The following CDCA4 variants were observed in gnomAD, a reference collection of about 807,000 sequenced individuals.
The protein encoded by CDCA4 is cell division cycle associated 4.
For synonymous variants in CDCA4, 130 were observed against 137.0 expected, an observed-to-expected ratio of 0.95 and a Z score of 0.36; for missense variants, 294 against 322.1, an observed-to-expected ratio of 0.91 and a Z score of 0.67.
chr14:105,014,279 C>A (rs1459488518), intron 1 of CDCA4, among the ~76,000 whole-genome samples: 2 of 152,170 alleles, frequency 1.3e-5, no homozygotes, highest in African/African-American at 4.8e-5. Context: ...ATCACACGGA[C>A]CTGGGGCCTG....
chr14:105,011,047 G>A lies in CDCA4; in HGVS notation c.*157C>T. 1.1e-6 allele frequency: 1 copy of A among 886,958 alleles called. No homozygotes were observed. The highest frequency in any genetic ancestry group is 1.7e-6 in the Non-Finnish European group (1 of 599,082). 54.9% of individuals were successfully genotyped at this position (886,958 alleles called of 1,614,324 possible). A position where few individuals can be genotyped will look rare whatever the true frequency, so the allele number is the denominator to read the frequency against. On this transcript the variant is annotated 3_prime_UTR_variant, in exon 2 of 2. Transcript: ENST00000336219. ...GGGGAGGTGAGTGGGACGGGCCTAG[G>A]GCTGCAGCCCCACTGGTAATGGGCT...
At chr14:105,018,759 C>G (rs892516339) in intron 1 of CDCA4, among the ~76,000 whole-genome samples, 5 of 147,546 alleles carry the variant, frequency 3.4e-5, no homozygotes, top group Non-Finnish European at 7.5e-5. Context: ...TTTTTTAAGA[C>G]AGAGTCTCAT....
At chr14:105,019,387 G>C (rs1886166886) in intron 1 of CDCA4, among the ~76,000 whole-genome samples, 1 of 152,220 alleles carries the variant, frequency 6.6e-6, no homozygotes, top group Non-Finnish European at 1.5e-5. Flanking sequence ...TCGTGGCTGA[G>C]CAATACCACG....
chr14:105,017,347 C>G (rs934337047), intron 1 of CDCA4, among the ~76,000 whole-genome samples: 1 of 152,058 alleles, frequency 6.6e-6, no homozygotes, highest in Non-Finnish European at 1.5e-5. Flanking sequence ...CTCAACTTCC[C>G]GAGTAGCTGG....
In CDCA4 at chr14:105,011,544, A is replaced by C. The variant is rs1275902827; in HGVS notation, c.386T>G (p.Leu129Arg). The C allele has an allele frequency of 1.9e-6, 3 of 1,613,998 alleles. No individual in the cohort carries two copies. In the South Asian group the frequency reaches 3.3e-5, roughly 18 times the overall value. Residue 129 changes from leucine to arginine, a missense_variant, in exon 2 of 2, where the codon CTT becomes CGT. Coordinates refer to ENST00000336219, the MANE Select transcript of CDCA4 (RefSeq NM_017955.4). ...DGHTQGPVSD[L>R]CPVTSAQAPR... ...TGCCTGTGCTGAGGTGACTGGGCAAAGGTCAGAAACTGGACCCTGTGTGTG... is the reference window on the plus strand; with the variant it reads ...TGCCTGTGCTGAGGTGACTGGGCAACGGTCAGAAACTGGACCCTGTGTGTG...
At position 105,011,124 on chromosome 14, in the gene CDCA4, G is replaced by C; in HGVS notation, c.*80C>G. ...ACAGGGCAGCAAGGCTGGGCCGCTG[G>C]CGGCAGGCGCACCCTCCGTGGGAGC... On this transcript the variant is annotated 3_prime_UTR_variant, in exon 2 of 2. Transcript: ENST00000336219. The C allele has an allele frequency of 6.8e-7, 1 of 1,478,764 alleles. No homozygotes were observed. The allele number at this position is 1,478,764 out of a possible 1,614,324, so 91.6% of individuals were successfully genotyped here.
At position 105,010,097 on chromosome 14, in the gene CDCA4, G is replaced by C. The variant is rs1382379221; in HGVS notation, c.*1107C>G. The C allele has an allele frequency of 6.6e-6, 1 of 152,394 alleles. No homozygotes were observed. Among genetic ancestry groups the C allele is most frequent in the Non-Finnish European group, 1.5e-5 (1 of 68,036 alleles). 9.4% of individuals were successfully genotyped at this position (152,394 alleles called of 1,614,324 possible). On this transcript the variant is annotated 3_prime_UTR_variant, in exon 2 of 2. Coordinates refer to ENST00000336219, the MANE Select transcript of CDCA4 (RefSeq NM_017955.4). ...ATGTGGGGTGAGGCGGGGCAGGAGT[G>C]GAAGGCTGCAGGCACCCCCAGCTCA... is the stretch of plus-strand genomic sequence containing the variant.
chr14:105,017,222 C>CT lies in CDCA4; in HGVS notation c.-7+3776dup, dbSNP rs375815781. ...TTCATCACTCTCAGTTGTAAGCATT[C>CT]TTTTTTTTTTTAGATGGAGTCTCAC... On this transcript the variant is annotated intron_variant, in intron 1 of 1. Transcript: ENST00000336219. Among the ~76,000 whole-genome samples, 153 of 145,680 alleles carry CT rather than the reference C, an allele frequency of 1.1e-3. 1 individual carries two copies. In the East Asian group the frequency reaches 0.019, roughly 18 times the overall value.
At chr14:105,018,851 C>T (rs1416506665) in intron 1 of CDCA4, among the ~76,000 whole-genome samples, 2 of 152,006 alleles carry the variant, frequency 1.3e-5, no homozygotes, top group Admixed American at 1.3e-4. Flanking sequence ...ATTCTCCTAC[C>T]TCAGCCTCCC....
intron 1 of CDCA4, among the ~76,000 whole-genome samples, chr14:105,020,416 A>G (rs1655004728): frequency 6.6e-6 from 1 of 152,150 alleles, no homozygotes; most frequent in Admixed American, 6.5e-5. Flanking sequence ...CGGGGCGAGA[A>G]GCGTCTGAAG....
intron 1 of CDCA4, among the ~76,000 whole-genome samples, chr14:105,019,886 G>C (rs1886181236): frequency 6.6e-6 from 1 of 152,142 alleles, no homozygotes; most frequent in African/African-American, 2.4e-5. Flanking sequence ...GCTAATTTTT[G>C]TATTTTTAGT....
intron 1 of CDCA4, among the ~76,000 whole-genome samples, chr14:105,019,260 G>C (rs1209243765): frequency 6.6e-6 from 1 of 152,170 alleles, no homozygotes; most frequent in Non-Finnish European, 1.5e-5. Context: ...ACTAGGGACA[G>C]AGCAACCTAG....
At chr14:105,014,701 C>T (rs1279366012) in intron 1 of CDCA4, among the ~76,000 whole-genome samples, 1 of 152,160 alleles carries the variant, frequency 6.6e-6, no homozygotes, top group South Asian at 2.1e-4. Context: ...CTAAGTATAT[C>T]GAGAATTAAC....
At chr14:105,012,331 G>T (rs1221206020) in intron 1 of CDCA4, among the ~76,000 whole-genome samples, 1 of 152,254 alleles carries the variant, frequency 6.6e-6, no homozygotes, top group East Asian at 1.9e-4. Flanking sequence ...AAGAGACCCT[G>T]GGGTAACATG....
intron 1 of CDCA4, among the ~76,000 whole-genome samples, chr14:105,019,641 G>A (rs1463380173): frequency 6.6e-6 from 1 of 152,212 alleles, no homozygotes; most frequent in Non-Finnish European, 1.5e-5. Context: ...CTGAGTGGGA[G>A]CTCCACCTTC....
intron 1 of CDCA4, among the ~76,000 whole-genome samples, chr14:105,014,867 A>G (rs1900602076): frequency 6.6e-6 from 1 of 152,156 alleles, no homozygotes; most frequent in Non-Finnish European, 1.5e-5. Flanking sequence ...TTAATTTAGG[A>G]CCCAAACCAA....
rs532243636 is a variant in CDCA4, at chr14:105,020,237, A to C, written c.-7+762T>G. On this transcript the variant is annotated intron_variant, in intron 1 of 1. Transcript: ENST00000336219. ...TGGTTGTACGTAGAAAGTTGATAAA[A>C]CGTAAGTTTTGTGAACAGGCAATGT... Among the ~76,000 whole-genome samples, 3 of 152,288 alleles carry C rather than the reference A, an allele frequency of 2.0e-5. No homozygotes were observed. The East Asian group carries it at 5.8e-4, about 29-fold the overall frequency.
At chr14:105,013,071 A>T (rs1158194577) in intron 1 of CDCA4, among the ~76,000 whole-genome samples, 1 of 152,212 alleles carries the variant, frequency 6.6e-6, no homozygotes, top group East Asian at 1.9e-4. Context: ...CTTACCCCAG[A>T]CCTGGGCAAC....
chr14:105,020,447 C>G (rs963871824), intron 1 of CDCA4, among the ~76,000 whole-genome samples: 25 of 152,240 alleles, frequency 1.6e-4, no homozygotes, highest in African/African-American at 5.8e-4. Context: ...AGGCTTGCGT[C>G]TGACTTCTGC....
Sources: gnomAD v4.1 joint callset for allele counts (sites outside exome capture counted in the v4.1 genomes callset) on GRCh38, gnomAD v4.1.1 for gene constraint, MANE v1.5 for transcripts, NCBI Gene and HGNC (gene_info 2026-07-23, HGNC 2026-07-21) for gene names.